The following HCFC1 variants were observed in gnomAD, a reference collection of about 807,000 sequenced individuals.
The protein encoded by HCFC1 is host cell factor 1.
A neutral mutation model predicts 105.5 loss-of-function variants in HCFC1; 7 were observed. The ratio of observed to expected loss-of-function variants is 0.07; its 90% CI spans 0.04 to 0.12. The LOEUF (loss-of-function observed/expected upper bound fraction) is 0.12. Ranked by LOEUF, HCFC1 falls within the 10% of genes least tolerant of loss-of-function variation. HCFC1 has a pLI of 1.00. For synonymous variants in HCFC1, 918 were observed against 828.1 expected, an observed-to-expected ratio of 1.11 and a Z score of -1.86; for missense variants, 1,065 against 1,823.6, an observed-to-expected ratio of 0.58 and a Z score of 7.58.
chrX:153,961,770 T>G, intron 5 of HCFC1, 122 bp from the exon 6 acceptor site: 1 of 524,550 alleles, frequency 1.9e-6, no homozygotes. Flanking sequence ...TCCCCAAGGA[T>G]GCGTGAAGCC....
rs1236217229 is a variant in HCFC1, at chrX:153,965,406, C to G, written c.194-680G>C. Reference sequence around the variant, plus strand: ...GGCGACCACCAAGAAAGAGGGAAATCAGACCTTAGGCACTGCTTTGCTTCC... The same window carrying G: ...GGCGACCACCAAGAAAGAGGGAAATGAGACCTTAGGCACTGCTTTGCTTCC... On this transcript the variant is annotated intron_variant, in intron 1 of 25. Transcript: ENST00000310441. 2.9e-5 allele frequency among the ~76,000 whole-genome samples: 3 copies of G among 104,401 alleles called. 1 individual carries two copies. The East Asian group carries it at 9.0e-4, about 31-fold the overall frequency. 90.7% of individuals were successfully genotyped at this position (104,401 alleles called of 115,157 possible). A position where few individuals can be genotyped will look rare whatever the true frequency, so the allele number is the denominator to read the frequency against.
Position 153,956,395 on chromosome X carries a change from G to A in HCFC1, c.2652C>T (p.Gly884=). The A allele has an allele frequency of 9.9e-6, 12 of 1,209,937 alleles. No homozygotes were observed. The highest frequency in any genetic ancestry group is 8.9e-6 in the Non-Finnish European group (8 of 893,995). The change falls in exon 16 of 26, where the codon GGC becomes GGT. Residue 884 remains glycine, a synonymous_variant. Transcript: ENST00000310441. ...VKGTTGVTTL[G]TVTGTVSTSL... is the part of the protein sequence containing the mutation. ...TGGTGGAGACGGTGCCTGTCACTGT[G>A]CCTAGGGTCGTGACACCTGAAGGAA...
At chrX:153,963,981 C>T in intron 3 of HCFC1, 143 bp downstream of exon 3, 1 of 460,376 alleles carries the variant, frequency 2.2e-6, no homozygotes, top group Non-Finnish European at 3.4e-6. Context: ...GCATCCGGTG[C>T]CGCTCTCTCA....
chrX:153,955,933 T>C (rs2065371625), intron 16 of HCFC1, among the ~76,000 whole-genome samples: 1 of 113,389 alleles, frequency 8.8e-6, no homozygotes, highest in African/African-American at 3.2e-5. Flanking sequence ...TGCGGCGTCC[T>C]GTAGAACACT....
chrX:153,954,772 C>A lies in HCFC1; in HGVS notation c.3627G>T (p.Val1209=), dbSNP rs781964245. Reference sequence around the variant, plus strand: ...CTTTGCTGCTCAGAGGGGCCAACTGCACAAAAGCAGGGCTGCGGCCCCCGG... The same window carrying A: ...CTTTGCTGCTCAGAGGGGCCAACTGAACAAAAGCAGGGCTGCGGCCCCCGG... The part of the protein sequence containing the change: ...REPGGRSPAF[V]QLAPLSSKVR... Residue 1209 remains valine, a synonymous_variant, in exon 17 of 26, where the codon GTG becomes GTT. Coordinates refer to ENST00000310441, the MANE Select transcript of HCFC1 (RefSeq NM_005334.3). The A allele has an allele frequency of 3.4e-6, 4 of 1,171,004 alleles. No homozygotes were observed.
At chrX:153,957,738 C>A (rs782217724) in intron 12 of HCFC1, 44 bp downstream of exon 12, 1 of 1,011,050 alleles carries the variant, frequency 9.9e-7, no homozygotes, top group East Asian at 3.0e-5. Context: ...TGGCCTGGCA[C>A]CCAGGCCCCC....
Position 153,953,607 on chromosome X carries a change from C to A in HCFC1, c.4497G>T (p.Pro1499=), listed in dbSNP as rs1416453975. The A allele has an allele frequency of 8.3e-7, 1 of 1,207,801 alleles. No individual in the cohort carries two copies. Among genetic ancestry groups the A allele is most frequent in the African/African-American group, 1.7e-5 (1 of 57,743 alleles). ...QSTPVPGPSV[P]PPEELQVSPG... ...AGAACACGGCCCCCTGGGCTCTTAC[C>A]GGCACAGAGGGGCCCGGGACCGGTG... The change falls in exon 18 of 26, where the codon CCG becomes CCT. Residue 1499 remains proline, a splice_region_variant and synonymous_variant. Coordinates refer to ENST00000310441, the MANE Select transcript of HCFC1 (RefSeq NM_005334.3).
chrX:153,949,158 C>T lies in HCFC1; in HGVS notation c.*189G>A. On this transcript the variant is annotated 3_prime_UTR_variant, in exon 26 of 26. Coordinates refer to ENST00000310441, the MANE Select transcript of HCFC1 (RefSeq NM_005334.3). Reference sequence around the variant, plus strand: ...CCCATCTGCCTCTGCTTCCTCCCAACAGCAATGGTAAAATGTGCTTTCTTT... The same window carrying T: ...CCCATCTGCCTCTGCTTCCTCCCAATAGCAATGGTAAAATGTGCTTTCTTT... 2.4e-6 allele frequency: 1 copy of T among 416,055 alleles called. No individual in the cohort carries two copies. The highest frequency in any genetic ancestry group is 4.2e-6 in the Non-Finnish European group (1 of 235,417). 34.3% of individuals were successfully genotyped at this position (416,055 alleles called of 1,213,427 possible). A position where few individuals can be genotyped will look rare whatever the true frequency, so the allele number is the denominator to read the frequency against.
At position 153,955,289 on chromosome X, in the gene HCFC1, A is replaced by T; in HGVS notation, c.3110T>A (p.Leu1037His). 1 of 1,206,017 alleles carries T rather than the reference A, an allele frequency of 8.3e-7. No individual in the cohort carries two copies. Among genetic ancestry groups the T allele is most frequent in the Non-Finnish European group, 1.1e-6 (1 of 893,832 alleles). ...TTGGGTGGGCTGGGGGTGTCCCCCA[A>T]GGTTAGCCACAACAGTAGTGGTGGC... ...NTATTTVVAN[L>H]GGHPQPTQVQ... Residue 1037 changes from leucine to histidine, a missense_variant, in exon 17 of 26, where the codon CTT becomes CAT. Coordinates refer to ENST00000310441, the MANE Select transcript of HCFC1 (RefSeq NM_005334.3).
Position 153,961,531 on chromosome X carries a change from G to C in HCFC1, c.904+11C>G. 1 of 1,166,218 alleles carries C rather than the reference G, an allele frequency of 8.6e-7. No individual in the cohort carries two copies. The highest frequency in any genetic ancestry group is 1.8e-5 in the South Asian group (1 of 55,089). On this transcript the variant is annotated intron_variant, in intron 6 of 25. Transcript: ENST00000310441. ...CTCCCACAGGCCACTCGGAGCCCGA[G>C]GAGGCCATACCCAGGTTGAGACAAG...
Position 153,954,751 on chromosome X carries a change from G to C in HCFC1, c.3648C>G (p.Ser1216Arg). ...TGCTTGGGCTGCTCAGCCTGACTTT[G>C]CTGCTCAGAGGGGCCAACTGCACAA... ...PAFVQLAPLS[S>R]KVRLSSPSIK... The change falls in exon 17 of 26, where the codon AGC becomes AGG. Residue 1216 changes from serine to arginine, a missense_variant. By Grantham distance (110) the Ser-to-Arg change is moderately radical. Transcript: ENST00000310441. 1 of 1,174,344 alleles carries C rather than the reference G, an allele frequency of 8.5e-7. No homozygotes were observed. Among genetic ancestry groups the C allele is most frequent in the Non-Finnish European group, 1.1e-6 (1 of 877,099 alleles).
chrX:153,971,713 C>T lies in HCFC1; in HGVS notation c.-873G>A, dbSNP rs990612379. 6.7e-6 allele frequency: 2 copies of T among 298,049 alleles called. No homozygotes were observed. Among genetic ancestry groups the T allele is most frequent in the Middle Eastern group, 8.8e-4 (1 of 1,135 alleles). 24.6% of individuals were successfully genotyped at this position (298,049 alleles called of 1,213,427 possible). A position where few individuals can be genotyped will look rare whatever the true frequency, so the allele number is the denominator to read the frequency against. The stretch of plus-strand genomic sequence containing the variant: ...GCCTTATGACTCCTTCCCACAGGAG[C>T]CGCTTCAAAGAGCTAGAGTTAGGCC... On this transcript the variant is annotated 5_prime_UTR_variant, in exon 1 of 26. Transcript: ENST00000310441.
chrX:153,954,462 C>T lies in HCFC1; in HGVS notation c.3937G>A (p.Ala1313Thr), dbSNP rs1018563676. 9 of 1,209,715 alleles carry T rather than the reference C, an allele frequency of 7.4e-6. No individual in the cohort carries two copies. Among genetic ancestry groups the T allele is most frequent in the East Asian group, 3.0e-5 (1 of 33,715 alleles). The change falls in exon 17 of 26, where the codon GCC becomes ACC. Residue 1313 changes from alanine to threonine, a missense_variant. Physicochemically the swap from Ala to Thr is moderately conservative, Grantham distance 58 (BLOSUM62 0). This residue lies in a region of HCFC1 where 546 missense variants were observed against 599.9 expected (regional missense o/e 0.91). Transcript: ENST00000310441. ...NTATTSNAGS[A>T]QRVCSNPPCE... ...GGCGGGTTGGAGCACACCCTCTGGGCGCTGCCTGCATTCGAGGTAGTGGCG... is the reference window on the plus strand; with the variant it reads ...GGCGGGTTGGAGCACACCCTCTGGGTGCTGCCTGCATTCGAGGTAGTGGCG...
chrX:153,963,841 G>C (rs782538563), intron 3 of HCFC1, among the ~76,000 whole-genome samples: 37 of 112,512 alleles, frequency 3.3e-4, no homozygotes, highest in African/African-American at 1.0e-3. Context: ...AGGAACGCGA[G>C]CAGCTCTAAG....
In HCFC1 at chrX:153,959,953, T is replaced by C; in HGVS notation, c.1293A>G (p.Ala431=). Residue 431 remains alanine (A), a synonymous_variant, in exon 8 of 26, where the codon GCA becomes GCG. Coordinates refer to ENST00000310441, the MANE Select transcript of HCFC1 (RefSeq NM_005334.3). The stretch of plus-strand genomic sequence containing the variant: ...GCGGCTGCACAGCAGGTGCGGCTGC[T>C]GCTGGGGCAGGGCTCTTGGGAGGGT... ...PANPPKSPAP[A]AAAPAVQPLT... 1 of 1,211,018 alleles carries C rather than the reference T, an allele frequency of 8.3e-7. No individual in the cohort carries two copies. Among genetic ancestry groups the C allele is most frequent in the Non-Finnish European group, 1.1e-6 (1 of 895,193 alleles).
intron 9 of HCFC1, among the ~76,000 whole-genome samples, chrX:153,959,035 T>A (rs1603296896): frequency 8.9e-6 from 1 of 112,982 alleles, no homozygotes; most frequent in African/African-American, 3.2e-5. Flanking sequence ...TCCCGTTGAT[T>A]CTCATGGGCC....
intron 17 of HCFC1, 92 bp downstream of exon 17, chrX:153,953,974 G>A: frequency 2.9e-6 from 3 of 1,032,285 alleles, no homozygotes; most frequent in Non-Finnish European, 4.0e-6. Context: ...CCTGACTGGT[G>A]GACTCTGGAC....
Position 153,956,522 on chromosome X carries a change from G to A in HCFC1, c.2635+103C>T, listed in dbSNP as rs781948312. On this transcript the variant is annotated intron_variant, in intron 15 of 25. Coordinates refer to ENST00000310441, the MANE Select transcript of HCFC1 (RefSeq NM_005334.3). ...AGCTGCTTGCATAGAAGGCTCGGGA[G>A]AGAGGAGCTGCTGTGCCACCCAGCT... 230 of 1,117,387 alleles carry A rather than the reference G, an allele frequency of 2.1e-4. 2 individuals carry two copies. The African/African-American group carries it at 3.7e-3, about 18-fold the overall frequency. 92.1% of individuals were successfully genotyped at this position (1,117,387 alleles called of 1,213,427 possible).
In HCFC1 at chrX:153,957,038, G is replaced by C. The variant is rs1349763273; in HGVS notation, c.2376C>G (p.Ile792Met). ...TGGTGATGATGGTGATGGGGGACTT[G>C]ATGCCAGGACTGCTGGTCACACCTG... ...GATGVTSSPG[I>M]KSPITIITTK... Residue 792 changes from isoleucine (I) to methionine (M), a missense_variant, in exon 14 of 26, where the codon ATC becomes ATG. This residue lies in a region of HCFC1 where 137 missense variants were observed against 378.2 expected (regional missense o/e 0.36). Coordinates refer to ENST00000310441, the MANE Select transcript of HCFC1 (RefSeq NM_005334.3). 4.1e-6 allele frequency: 5 copies of C among 1,210,022 alleles called. No homozygotes were observed. The highest frequency in any genetic ancestry group is 3.4e-6 in the Non-Finnish European group (3 of 895,076).
Sources: gnomAD v4.1 joint callset for allele counts (sites outside exome capture counted in the v4.1 genomes callset) on GRCh38, gnomAD v4.1.1 for gene constraint, gnomAD v4.1.1 regional missense constraint, MANE v1.5 for transcripts, NCBI Gene and HGNC (gene_info 2026-07-23, HGNC 2026-07-21) for gene names.